Variants in AOX1 observed in about 807,000 individuals in gnomAD.
AOX1 encodes the protein aldehyde oxidase.
Under a neutral mutation model 169.5 loss-of-function variants are expected in AOX1, and 153 were observed. The ratio of observed to expected loss-of-function variants is 0.90; its 90% confidence interval spans 0.79 to 1.03. The LOEUF (loss-of-function observed/expected upper bound fraction) is 1.03. AOX1 is among the 50% of genes least tolerant of loss of function. The pLI, the probability that AOX1 is intolerant of heterozygous loss-of-function variation, is 0.00. For missense variants in AOX1, 1,656 were observed against 1,663.9 expected (o/e 1.00, Z 0.08); for synonymous variants, 562 against 581.9 (o/e 0.97, Z 0.49).
In AOX1 at chr2:200,623,145, GGAGA is replaced by G. The variant is rs1371086457; in HGVS notation, c.2002-711_2002-708del. On this transcript the variant is annotated intron_variant, in intron 18 of 34. Coordinates refer to ENST00000374700, the MANE Select transcript of AOX1 (RefSeq NM_001159.4). Reference sequence around the variant, plus strand: ...AAATTGTGAATCACAGCATAAAGTAGGAGAGAGAACTCAGCAATGATGGTGACTT... The same window carrying G: ...AAATTGTGAATCACAGCATAAAGTAGGAGAACTCAGCAATGATGGTGACTT... Among the ~76,000 whole-genome samples the G allele has an allele frequency of 7.9e-5, 12 of 152,320 alleles. No individual in the cohort carries two copies. In the South Asian group the frequency reaches 2.5e-3, roughly 32 times the overall value.
intron 6 of AOX1, 59 bp downstream of exon 6, chr2:200,602,404 G>C (rs554836436): frequency 1.4e-6 from 2 of 1,468,570 alleles, no homozygotes; most frequent in East Asian, 2.3e-5. Context: ...AAATGGTAAT[G>C]GTTGTCAGTG....
At chr2:200,661,465 G>T (rs1463663204) in intron 29 of AOX1, 114 bp from the exon 30 acceptor site, 12 of 819,192 alleles carry the variant, frequency 1.5e-5, no homozygotes, top group Non-Finnish European at 2.0e-5. Context: ...GGTCCTTCCT[G>T]GTTACTATTG....
At chr2:200,680,033 C>T (rs572118667), downstream of AOX1, among the ~76,000 whole-genome samples, 5 of 152,162 alleles carry the variant, frequency 3.3e-5, no homozygotes, top group South Asian at 8.3e-4. Context: ...GAGCTATGAT[C>T]GGGTCACCAT....
chr2:200,603,513 T>A (rs570559676), intron 7 of AOX1, among the ~76,000 whole-genome samples, 157 bp downstream of exon 7: 2 of 152,222 alleles, frequency 1.3e-5, no homozygotes, highest in Admixed American at 6.5e-5. Flanking sequence ...TAAAAAAAAA[T>A]TATATCGCAG....
At position 200,651,197 on chromosome 2, in the gene AOX1, G is replaced by T; in HGVS notation, c.3071G>T (p.Gly1024Val). 6.2e-7 allele frequency: 1 copy of T among 1,613,844 alleles called. No homozygotes were observed. Among genetic ancestry groups the T allele is most frequent in the Non-Finnish European group, 8.5e-7 (1 of 1,179,748 alleles). ...FPVGLGSRAA[G>V]QAAALVHIYL... ...GTTGGCCTTGGCTCACGTGCTGCTGGTCAGGTGAGTTCTCCAAATGCACAT... is the reference window on the plus strand; with the variant it reads ...GTTGGCCTTGGCTCACGTGCTGCTGTTCAGGTGAGTTCTCCAAATGCACAT... The change falls in exon 26 of 35, where the codon GGT becomes GTT. Residue 1024 changes from glycine to valine, a missense_variant. Transcript: ENST00000374700.
At chr2:200,611,546 G>C (rs982650308) in intron 13 of AOX1, 53 bp downstream of exon 13, 1 of 1,135,702 alleles carries the variant, frequency 8.8e-7, no homozygotes, top group African/African-American at 1.5e-5. Context: ...GCTATGGCTT[G>C]TTTATTCCAG....
At chr2:200,603,430 A>C (rs1317867524) in intron 7 of AOX1, 74 bp downstream of exon 7, 11 of 1,189,894 alleles carry the variant, frequency 9.2e-6, no homozygotes, top group Non-Finnish European at 1.4e-5. Context: ...TAGGAAGAAC[A>C]AATGGCTACC....
chr2:200,675,808 C>T (rs2036089706), downstream of AOX1, among the ~76,000 whole-genome samples: 1 of 151,802 alleles, frequency 6.6e-6, no homozygotes, highest in Non-Finnish European at 1.5e-5. Context: ...AAGGGAGATA[C>T]TGTTATTTTG....
intron 19 of AOX1, among the ~76,000 whole-genome samples, chr2:200,626,115 C>G (rs2034998987): frequency 6.6e-6 from 1 of 152,204 alleles, no homozygotes; most frequent in Non-Finnish European, 1.5e-5. Flanking sequence ...CATTAACTTA[C>G]TAAATGCTCA....
rs373608049 is a variant in AOX1 at position 200,642,764 on chromosome 2, C to T, written c.2810C>T (p.Thr937Met). The T allele has an allele frequency of 9.9e-6, 16 of 1,613,658 alleles. No individual in the cohort carries two copies. The highest frequency in any genetic ancestry group is 6.7e-5 in the Admixed American group (4 of 59,960). Residue 937 changes from threonine (T) to methionine (M), a missense_variant, in exon 25 of 35, where the codon ACG (threonine) becomes ATG (methionine). By Grantham distance (81) the Thr-to-Met change is moderately conservative (BLOSUM62 -1). Transcript: ENST00000374700. Reference sequence around the variant, plus strand: ...GCGCTGATCACCGAATCTTGTATCACGGAAGTTGCAGCCAAATGTGGACTA... The same window carrying T: ...GCGCTGATCACCGAATCTTGTATCATGGAAGTTGCAGCCAAATGTGGACTA... ...QAALITESCITEVAAKCGLSP... is the reference protein window; with the variant it reads ...QAALITESCIMEVAAKCGLSP...
chr2:200,629,963 C>T (rs918177881), intron 20 of AOX1, among the ~76,000 whole-genome samples: 7 of 152,044 alleles, frequency 4.6e-5, no homozygotes, highest in Admixed American at 2.0e-4. Context: ...TCAGTATAAA[C>T]GCCAGCTGCA....
chr2:200,590,797 C>T (rs2034153679), intron 1 of AOX1, among the ~76,000 whole-genome samples: 1 of 152,132 alleles, frequency 6.6e-6, no homozygotes, highest in Non-Finnish European at 1.5e-5. Context: ...TATTGTTTAC[C>T]ATCATATCTA....
intron 20 of AOX1, among the ~76,000 whole-genome samples, chr2:200,630,843 T>A (rs2035110735): frequency 6.6e-6 from 1 of 152,072 alleles, no homozygotes; most frequent in South Asian, 2.1e-4. Context: ...CTGGGGCCTG[T>A]AGGAGTGGGG....
intron 26 of AOX1, among the ~76,000 whole-genome samples, chr2:200,654,746 G>A (rs142485593): frequency 7.2e-5 from 11 of 152,316 alleles, no homozygotes; most frequent in South Asian, 2.1e-4. Flanking sequence ...AAATTTCCCC[G>A]ACTAGGTCCT....
intron 16 of AOX1, among the ~76,000 whole-genome samples, chr2:200,619,402 G>C (rs1262109152): frequency 6.6e-6 from 1 of 152,126 alleles, no homozygotes; most frequent in Non-Finnish European, 1.5e-5. Context: ...AAGCCTCTGG[G>C]AGTCTGGCCT....
intron 20 of AOX1, among the ~76,000 whole-genome samples, chr2:200,629,699 C>T (rs575938360): frequency 2.6e-5 from 4 of 152,142 alleles, no homozygotes; most frequent in Non-Finnish European, 5.9e-5. Context: ...TATCATAGAG[C>T]GTTCCCGGCA....
chr2:200,599,662 A>G lies in AOX1; in HGVS notation c.352A>G (p.Thr118Ala). ...TCATGGCACCCAGTGTGGCTTCTGC[A>G]CACCTGGGATGGTGATGTCCATCTA... ...KCHGTQCGFC[T>A]PGMVMSIYTL... The change falls in exon 5 of 35, where the codon ACA (threonine) becomes GCA (alanine). Residue 118 changes from threonine to alanine, a missense_variant. By Grantham distance (58) the Thr-to-Ala change is moderately conservative (BLOSUM62 0). Coordinates refer to ENST00000374700, the MANE Select transcript of AOX1 (RefSeq NM_001159.4). The G allele has an allele frequency of 6.2e-7, 1 of 1,612,994 alleles. No homozygotes were observed. Among genetic ancestry groups the G allele is most frequent in the Non-Finnish European group, 8.5e-7 (1 of 1,179,328 alleles).
At chr2:200,622,130 A>G (rs1243487181) in intron 18 of AOX1, among the ~76,000 whole-genome samples, 2 of 152,218 alleles carry the variant, frequency 1.3e-5, no homozygotes, top group East Asian at 1.9e-4. Flanking sequence ...CTCTACTCTC[A>G]TGGAGCTTAA....
rs57410809 is a variant in AOX1, at chr2:200,630,210, T to TAA, written c.2221+2787_2221+2788dup. 2.2e-3 allele frequency among the ~76,000 whole-genome samples: 206 copies of TAA among 95,504 alleles called. 7 individuals are homozygous for TAA. Among genetic ancestry groups the TAA allele is most frequent in the African/African-American group, 8.6e-3 (189 of 21,862 alleles). 62.7% of individuals were successfully genotyped at this position (95,504 alleles called of 152,430 possible). A position where few individuals can be genotyped will look rare whatever the true frequency, so the allele number is the denominator to read the frequency against. On this transcript the variant is annotated intron_variant, in intron 20 of 34. Coordinates refer to ENST00000374700, the MANE Select transcript of AOX1 (RefSeq NM_001159.4). ...TCAATGTAGCAAGACTCCTTCTATT[T>TAA]AAAAAAAAAAAAAAAAAAAAAAAAA...
Sources: allele counts gnomAD v4.1 joint callset (sites outside exome capture counted in the v4.1 genomes callset), GRCh38; gene constraint gnomAD v4.1.1; transcripts MANE v1.5; gene names NCBI Gene and HGNC (gene_info 2026-07-23, HGNC 2026-07-21).